The following PRKD1 variants were observed in gnomAD, a reference collection of about 807,000 sequenced individuals.
The protein encoded by PRKD1 is serine/threonine-protein kinase D1.
A neutral mutation model predicts 95.9 loss-of-function variants in PRKD1; 63 were observed. The observed-to-expected ratio is 0.66, with a 90% CI of 0.54 to 0.81. PRKD1 has a LOEUF of 0.81. PRKD1 is among the 30% of genes least tolerant of loss of function. The probability of loss-of-function intolerance (pLI) is 0.00; values close to 1 mark genes in which losing one functional copy is unlikely to be tolerated. For missense variants in PRKD1, 1,048 were observed against 1,165.3 expected (o/e 0.90, Z 1.47); for synonymous variants, 425 against 423.1 (o/e 1.00, Z -0.05).
intron 1 of PRKD1, among the ~76,000 whole-genome samples, chr14:29,727,391 T>C (rs1027529142): frequency 6.9e-6 from 1 of 145,774 alleles, no homozygotes; most frequent in Non-Finnish European, 1.5e-5. Context: ...CAGAAGCTCT[T>C]TAGTTAATTA....
intron 13 of PRKD1, among the ~76,000 whole-genome samples, chr14:29,611,216 C>T (rs539987388): frequency 8.0e-4 from 122 of 152,208 alleles, no homozygotes; most frequent in South Asian, 3.3e-3. Flanking sequence ...GGGGGATATT[C>T]ATAGTGGGGG....
chr14:29,588,632 G>A (rs1406949636), intron 16 of PRKD1, among the ~76,000 whole-genome samples: 1 of 152,138 alleles, frequency 6.6e-6, no homozygotes, highest in Non-Finnish European at 1.5e-5. Context: ...ATACGACCAT[G>A]GAGGTTGCCA....
At chr14:29,777,909 G>A (rs1888848021) in intron 1 of PRKD1, among the ~76,000 whole-genome samples, 1 of 152,086 alleles carries the variant, frequency 6.6e-6, no homozygotes, top group Admixed American at 6.6e-5. Context: ...GCACTCCTCA[G>A]CAAATGTAAA....
chr14:29,910,468 C>T (rs1469970106), intron 1 of PRKD1, among the ~76,000 whole-genome samples: 1 of 152,176 alleles, frequency 6.6e-6, no homozygotes, highest in Non-Finnish European at 1.5e-5. Context: ...CAAGAACCCA[C>T]CAATTTTGGA....
chr14:29,900,722 T>A (rs771197453), intron 1 of PRKD1, among the ~76,000 whole-genome samples: 1 of 151,626 alleles, frequency 6.6e-6, no homozygotes, highest in Non-Finnish European at 1.5e-5. Flanking sequence ...ACAACAAACA[T>A]AAGAAAAAAT....
intron 1 of PRKD1, among the ~76,000 whole-genome samples, chr14:29,872,021 C>G (rs1893125616): frequency 6.6e-6 from 1 of 152,102 alleles, no homozygotes; most frequent in East Asian, 1.9e-4. Context: ...TTATTGCAGA[C>G]CTAATACAGC....
At chr14:29,711,186 A>G (rs1310340785) in intron 2 of PRKD1, among the ~76,000 whole-genome samples, 1 of 152,196 alleles carries the variant, frequency 6.6e-6, no homozygotes, top group Non-Finnish European at 1.5e-5. Flanking sequence ...TATTGAGGCT[A>G]TATAATTAAA....
intron 1 of PRKD1, among the ~76,000 whole-genome samples, chr14:29,884,979 C>T (rs1435600479): frequency 2.0e-5 from 3 of 151,950 alleles, no homozygotes; most frequent in East Asian, 1.9e-4. Context: ...AAAAATTAGC[C>T]GGGCATCGTG....
At chr14:29,869,769 T>C (rs1267998862) in intron 1 of PRKD1, among the ~76,000 whole-genome samples, 1 of 152,188 alleles carries the variant, frequency 6.6e-6, no homozygotes, top group Non-Finnish European at 1.5e-5. Context: ...GCATAAAAAC[T>C]AACCTATTTC....
chr14:29,668,510 G>C (rs1230121239), intron 2 of PRKD1, among the ~76,000 whole-genome samples: 1 of 152,178 alleles, frequency 6.6e-6, no homozygotes, highest in Non-Finnish European at 1.5e-5. Flanking sequence ...CAGTGTGCAA[G>C]AGAAGAGAAA....
chr14:29,793,482 T>C (rs757334514), intron 1 of PRKD1, among the ~76,000 whole-genome samples: 23 of 152,140 alleles, frequency 1.5e-4, no homozygotes, highest in Non-Finnish European at 2.9e-4. Flanking sequence ...TCCCAAATTC[T>C]GTAAAGAATA....
At chr14:29,712,166 G>T (rs1885363595) in intron 2 of PRKD1, among the ~76,000 whole-genome samples, 1 of 152,106 alleles carries the variant, frequency 6.6e-6, no homozygotes, top group Admixed American at 6.6e-5. Flanking sequence ...ATTGCAGAGA[G>T]CACAGTGAAA....
chr14:29,858,738 T>A (rs1292875448), intron 1 of PRKD1, among the ~76,000 whole-genome samples: 2 of 152,152 alleles, frequency 1.3e-5, no homozygotes, highest in African/African-American at 4.8e-5. Context: ...TACCTTAAAC[T>A]CATTATCTTT....
At chr14:29,639,470 T>A (rs1372860074) in intron 4 of PRKD1, among the ~76,000 whole-genome samples, 1 of 151,936 alleles carries the variant, frequency 6.6e-6, no homozygotes, top group Non-Finnish European at 1.5e-5. Context: ...AATACAAAAA[T>A]TAGCTGGGTG....
intron 11 of PRKD1, among the ~76,000 whole-genome samples, chr14:29,627,219 G>A (rs1317045534): frequency 2.6e-5 from 4 of 152,102 alleles, no homozygotes; most frequent in Admixed American, 2.6e-4. Flanking sequence ...AAATAATCAC[G>A]GTTCCCAACC....
In PRKD1 at chr14:29,845,081, C is replaced by G. The variant is rs528944756; in HGVS notation, c.264+82168G>C. On this transcript the variant is annotated intron_variant, in intron 1 of 17. Transcript: ENST00000331968. Reference sequence around the variant, plus strand: ...TTTCTAATTAATGAAGAAAAGGAGACTAAATTAGGAAAGCATCTAGTAGTC... The same window carrying G: ...TTTCTAATTAATGAAGAAAAGGAGAGTAAATTAGGAAAGCATCTAGTAGTC... Among the ~76,000 whole-genome samples, 3 of 152,136 alleles carry G rather than the reference C, an allele frequency of 2.0e-5. No homozygotes were observed. The South Asian group carries it at 6.2e-4, about 32-fold the overall frequency.
intron 1 of PRKD1, among the ~76,000 whole-genome samples, chr14:29,872,817 T>C (rs11626226): frequency 0.049 from 7,387 of 152,248 alleles, 225 homozygotes; most frequent in South Asian, 0.13. Context: ...TATTGACATA[T>C]ACATCTGTAT....
At chr14:29,626,955 C>T (rs1187683910) in intron 11 of PRKD1, among the ~76,000 whole-genome samples, 4 of 152,062 alleles carry the variant, frequency 2.6e-5, no homozygotes, top group South Asian at 2.1e-4. Flanking sequence ...CCTAGTGATC[C>T]GCCTGCCTTG....
chr14:29,823,099 C>T (rs577156029), intron 1 of PRKD1, among the ~76,000 whole-genome samples: 13 of 152,116 alleles, frequency 8.5e-5, no homozygotes, highest in Non-Finnish European at 1.6e-4. Flanking sequence ...GCTTGGACTC[C>T]ACCTGGAAAT....
Sources: allele counts gnomAD v4.1 joint callset (sites outside exome capture counted in the v4.1 genomes callset), GRCh38; gene constraint gnomAD v4.1.1; transcripts MANE v1.5; gene names NCBI Gene and HGNC (gene_info 2026-07-23, HGNC 2026-07-21).